NUP214: variants seen among roughly 807,000 people sequenced by gnomAD.
NUP214 encodes nuclear pore complex protein Nup214.
Under a neutral mutation model 196.2 loss-of-function variants are expected in NUP214, and 79 were observed. That is an observed-to-expected ratio of 0.40 (90% CI 0.34 to 0.49). The LOEUF (loss-of-function observed/expected upper bound fraction) is 0.49, where lower values mean the gene tolerates loss of function less well. NUP214 is among the 20% of genes least tolerant of loss of function. NUP214 has a pLI of 0.58. For missense variants in NUP214, 2,468 were observed against 2,539.0 expected (o/e 0.97, Z 0.60); for synonymous variants, 1,020 against 990.5 (o/e 1.03, Z -0.56).
At chr9:131,178,984 G>C (rs1262024331) in intron 24 of NUP214, among the ~76,000 whole-genome samples, 1 of 151,646 alleles carries the variant, frequency 6.6e-6, no homozygotes, top group African/African-American at 2.4e-5. Flanking sequence ...TGTTGTTGTT[G>C]TTGTTGTTTT....
chr9:131,230,641 G>A lies in NUP214; in HGVS notation c.6086G>A (p.Ser2029Asn), dbSNP rs1834848831. The A allele has an allele frequency of 1.9e-6, 3 of 1,614,098 alleles. No individual in the cohort carries two copies. In the East Asian group the frequency reaches 6.7e-5, roughly 36 times the overall value. Residue 2029 changes from serine to asparagine, a missense_variant, in exon 34 of 36, where the codon AGC becomes AAC. This residue lies in a region of NUP214 where 262 missense variants were observed against 296.5 expected (regional missense o/e 0.88). Transcript: ENST00000359428. ...TCACTGGAGCGCAGGTTTGGGAGCAGCAGCAACACCACATCCTTCGGCACG... is the reference window on the plus strand; with the variant it reads ...TCACTGGAGCGCAGGTTTGGGAGCAACAGCAACACCACATCCTTCGGCACG... ...ASAGGFGFGS[S>N]SNTTSFGTLA...
Position 131,198,027 on chromosome 9 carries a change from A to G in NUP214, c.4533A>G (p.Ser1511=). ...LPEKPGDSEV[S]ASAASLLEEQ... is the part of the protein sequence containing the mutation. The stretch of plus-strand genomic sequence containing the variant: ...AGAAGCCAGGTGACAGTGAGGTCTC[A>G]GCATCAGCAGCCTCACTTCTAGAGG... The change falls in exon 29 of 36, where the codon TCA becomes TCG. Residue 1511 remains serine (S), a synonymous_variant. Transcript: ENST00000359428. 6.2e-7 allele frequency: 1 copy of G among 1,614,230 alleles called. No homozygotes were observed.
chr9:131,134,754 T>A lies in NUP214; in HGVS notation c.832-144T>A, dbSNP rs1831665181. 3.2e-5 allele frequency: 20 copies of A among 622,872 alleles called. No individual in the cohort carries two copies. In the South Asian group the frequency reaches 3.9e-4, roughly 12 times the overall value. 38.6% of individuals were successfully genotyped at this position (622,872 alleles called of 1,614,324 possible). A position where few individuals can be genotyped will look rare whatever the true frequency, so the allele number is the denominator to read the frequency against. ...TGTTTGTACTCCTTGTACTAAGTGC[T>A]GCCTTTATACCATGTCCGTATATCT... On this transcript the variant is annotated intron_variant, in intron 7 of 35. Coordinates refer to ENST00000359428, the MANE Select transcript of NUP214 (RefSeq NM_005085.4).
In NUP214 at chr9:131,223,727, A is replaced by ATTTATTTATTTATTTTATTTTTTTTTT; in HGVS notation, c.5902+800_5902+801insATTTATTTATTTTATTTTTTTTTTTTT. Among the ~76,000 whole-genome samples the ATTTATTTATTTATTTTATTTTTTTTTT allele has an allele frequency of 2.6e-4, 4 of 15,642 alleles. 1 individual carries two copies. The highest frequency in any genetic ancestry group is 5.7e-4 in the Non-Finnish European group (4 of 6,968). 10.3% of individuals were successfully genotyped at this position (15,642 alleles called of 152,430 possible). On this transcript the variant is annotated intron_variant, in intron 32 of 35. Transcript: ENST00000359428. ...TTTTTTTATTTTTATTTATTTATTT[A>ATTTATTTATTTATTTTATTTTTTTTTT]TTTTTTTTTTTTTTTTTTTTTTTTT...
Position 131,151,810 on chromosome 9 carries a change from A to C in NUP214, c.2352A>C (p.Glu784Asp). 6.2e-7 allele frequency: 1 copy of C among 1,613,758 alleles called. No homozygotes were observed. The highest frequency in any genetic ancestry group is 8.5e-7 in the Non-Finnish European group (1 of 1,179,908). The change falls in exon 17 of 36, where the codon GAA (glutamate) becomes GAC (aspartate). Residue 784 changes from glutamate (E) to aspartate (D), a missense_variant. By Grantham distance (45) the Glu-to-Asp change is conservative. Around this residue, in one of 5 missense-constraint regions of NUP214, gnomAD observed 1,801 missense variants for 1,779.4 expected, o/e 1.01. Coordinates refer to ENST00000359428, the MANE Select transcript of NUP214 (RefSeq NM_005085.4). ...EGFAGVEEAR[E>D]QNERNRDSGY... Reference sequence around the variant, plus strand: ...TTGCTGGTGTTGAGGAAGCCAGAGAACAAAATGAAAGAAATCGTGACTCTG... The same window carrying C: ...TTGCTGGTGTTGAGGAAGCCAGAGACCAAAATGAAAGAAATCGTGACTCTG...
intron 32 of NUP214, 148 bp from the exon 33 acceptor site, chr9:131,228,012 A>C (rs1834771400): frequency 1.5e-6 from 1 of 687,792 alleles, no homozygotes; most frequent in Non-Finnish European, 2.2e-6. Flanking sequence ...GTTGCCCTTT[A>C]CTCTAGTTCT....
At chr9:131,159,780 C>A (rs1832575202) in intron 18 of NUP214, among the ~76,000 whole-genome samples, 1 of 151,884 alleles carries the variant, frequency 6.6e-6, no homozygotes, top group African/African-American at 2.4e-5. Context: ...TCGCTTGAAC[C>A]CAGGAGGCGG....
intron 17 of NUP214, among the ~76,000 whole-genome samples, chr9:131,154,579 TC>T (rs1418701686): frequency 6.6e-6 from 1 of 152,238 alleles, no homozygotes; most frequent in African/African-American, 2.4e-5. Context: ...ACTCCTGACT[TC>T]AAGTGATCTG....
At chr9:131,231,319 G>A (rs1834871861) in intron 34 of NUP214, among the ~76,000 whole-genome samples, 1 of 152,126 alleles carries the variant, frequency 6.6e-6, no homozygotes. Flanking sequence ...CAGCCTTTGA[G>A]TAGCTGGGTC....
intron 24 of NUP214, among the ~76,000 whole-genome samples, chr9:131,180,888 A>G (rs1334242673): frequency 6.6e-6 from 1 of 152,230 alleles, no homozygotes; most frequent in African/African-American, 2.4e-5. Flanking sequence ...TATGCCACAC[A>G]GTATTCTTAG....
intron 8 of NUP214, 62 bp downstream of exon 8, chr9:131,135,066 T>C (rs1460464182): frequency 1.8e-6 from 2 of 1,109,848 alleles, no homozygotes; most frequent in Non-Finnish European, 2.7e-6. Flanking sequence ...CTGAGTCACC[T>C]TGTCCCATGT....
At chr9:131,172,522 G>A (rs1832990382) in intron 21 of NUP214, among the ~76,000 whole-genome samples, 2 of 152,122 alleles carry the variant, frequency 1.3e-5, no homozygotes, top group Admixed American at 1.3e-4. Flanking sequence ...CACTCTGATG[G>A]TAGTTTCTTT....
At chr9:131,133,549 C>T in intron 7 of NUP214, 1 of 166,394 alleles carries the variant, frequency 6.0e-6, no homozygotes, top group Non-Finnish European at 1.3e-5. Context: ...AGTGATCTGC[C>T]CACCTAGGCT....
intron 8 of NUP214, 29 bp from the exon 9 acceptor site, chr9:131,135,911 C>T (rs767115273): frequency 3.1e-6 from 5 of 1,596,464 alleles, no homozygotes; most frequent in East Asian, 2.2e-5. Context: ...TGTATTTGAA[C>T]GTAATGGTCT....
chr9:131,214,677 TTGGTC>T (rs1834343156), intron 30 of NUP214, among the ~76,000 whole-genome samples: 2 of 152,158 alleles, frequency 1.3e-5, no homozygotes, highest in Non-Finnish European at 2.9e-5. Flanking sequence ...GAATTCAGCT[TTGGTC>T]ATCATTTCAA....
rs752363361 is a variant in NUP214, at chr9:131,133,071, T to C, written c.728-35T>C. ...TTTTTCTTGTATCTGGTTGCTGTCA[T>C]TTTTATGAGCTACTGATTAAGATGT... On this transcript the variant is annotated intron_variant, in intron 6 of 35. Coordinates refer to ENST00000359428, the MANE Select transcript of NUP214 (RefSeq NM_005085.4). 1.3e-5 allele frequency: 19 copies of C among 1,509,038 alleles called. No homozygotes were observed. The Admixed American group carries it at 2.9e-4, about 23-fold the overall frequency. The allele number at this position is 1,509,038 out of a possible 1,614,324, so 93.5% of individuals were successfully genotyped here. A position where few individuals can be genotyped will look rare whatever the true frequency, so the allele number is the denominator to read the frequency against.
At chr9:131,153,160 TG>T (rs1832324298) in intron 17 of NUP214, 1 of 152,132 alleles carries the variant, frequency 6.6e-6, no homozygotes, top group South Asian at 2.1e-4. Flanking sequence ...GGCCTTAGTG[TG>T]GGGGTCCTCT....
intron 14 of NUP214, 49 bp downstream of exon 14, chr9:131,147,633 C>T: frequency 7.9e-7 from 1 of 1,264,694 alleles, no homozygotes; most frequent in Non-Finnish European, 1.2e-6. Flanking sequence ...ATTTACTGCC[C>T]CAAGCATACC....
intron 21 of NUP214, among the ~76,000 whole-genome samples, chr9:131,173,355 CTTTTTTTTTTT>C (rs10706351): frequency 2.1e-4 from 8 of 38,188 alleles, no homozygotes; most frequent in African/African-American, 8.3e-4. Flanking sequence ...TGCACCCAGC[CTTTTTTTTTTT>C]TTTTTTTTTT....
Sources: gnomAD v4.1 joint callset for allele counts (sites outside exome capture counted in the v4.1 genomes callset) on GRCh38, gnomAD v4.1.1 for gene constraint, gnomAD v4.1.1 regional missense constraint, MANE v1.5 for transcripts, NCBI Gene and HGNC (gene_info 2026-07-23, HGNC 2026-07-21) for gene names.